Variants in PCED1B observed in about 807,000 individuals in gnomAD.
PCED1B encodes PC-esterase domain-containing protein 1B.
For missense variants in PCED1B, 573 were observed against 573.9 expected (o/e 1.00, Z 0.02); for synonymous variants, 251 against 246.1 (o/e 1.02, Z -0.19).
intron 1 of PCED1B, among the ~76,000 whole-genome samples, chr12:47,094,382 ATTTAGCTTATTTACATT>A (rs922918802): frequency 6.6e-6 from 1 of 152,144 alleles, no homozygotes; most frequent in African/African-American, 2.4e-5. Context: ...TTTACTTCAA[ATTTAGCTTATTTACATT>A]CAGTGTAATC....
At chr12:47,087,119 T>C (rs937211942) in intron 1 of PCED1B, among the ~76,000 whole-genome samples, 5 of 152,190 alleles carry the variant, frequency 3.3e-5, no homozygotes, top group Non-Finnish European at 7.3e-5. Context: ...GGTAATTTGC[T>C]CTGGAACTCT....
intron 2 of PCED1B, among the ~76,000 whole-genome samples, chr12:47,166,568 CT>C (rs1941551810): frequency 6.6e-6 from 1 of 152,178 alleles, no homozygotes; most frequent in South Asian, 2.1e-4. Context: ...TGGCCACCGT[CT>C]TGACAGTAAG....
At chr12:47,093,252 G>A (rs541303979) in intron 1 of PCED1B, among the ~76,000 whole-genome samples, 5 of 151,888 alleles carry the variant, frequency 3.3e-5, no homozygotes, top group Admixed American at 1.3e-4. Context: ...CATCCAAATT[G>A]TCAAATTTAT....
rs1284776622 is a variant in PCED1B at position 47,235,325 on chromosome 12, C to A, written c.262C>A (p.Leu88Met). ...CCGCGAGTTCCGCTCCGACCACCATCTGGTACGTTTTTACTTCCTCACCCG... is the reference window on the plus strand; with the variant it reads ...CCGCGAGTTCCGCTCCGACCACCATATGGTACGTTTTTACTTCCTCACCCG... ...EVREFRSDHH[L>M]VRFYFLTRVY... is the part of the protein sequence containing the mutation. Residue 88 changes from leucine (L) to methionine (M), a missense_variant, in exon 4 of 4, where the codon CTG becomes ATG. By Grantham distance (15) the Leu-to-Met change is conservative. Transcript: ENST00000546455. 1 of 1,614,120 alleles carries A rather than the reference C, an allele frequency of 6.2e-7. No individual in the cohort carries two copies. Among genetic ancestry groups the A allele is most frequent in the South Asian group, 1.1e-5 (1 of 91,090 alleles).
chr12:47,092,495 T>G (rs1481185672), intron 1 of PCED1B, among the ~76,000 whole-genome samples: 1 of 152,050 alleles, frequency 6.6e-6, no homozygotes, highest in Non-Finnish European at 1.5e-5. Flanking sequence ...TGCTTTCCAA[T>G]CTCCATGACA....
chr12:47,154,779 ATGTGTGTGTGTGTGTG>A (rs3989869), intron 2 of PCED1B, among the ~76,000 whole-genome samples: 1 of 146,596 alleles, frequency 6.8e-6, no homozygotes, highest in Non-Finnish European at 1.5e-5. Context: ...GTGTGTGTGC[ATGTGTGTGTGTGTGTG>A]TGTGTGTGTG....
chr12:47,160,748 C>A (rs1422181245), intron 2 of PCED1B, among the ~76,000 whole-genome samples: 1 of 152,016 alleles, frequency 6.6e-6, no homozygotes, highest in African/African-American at 2.4e-5. Flanking sequence ...TATGGTTTTT[C>A]CCCACTAAAA....
chr12:47,230,251 A>AT (rs1425191901), intron 3 of PCED1B, among the ~76,000 whole-genome samples: 2 of 133,568 alleles, frequency 1.5e-5, no homozygotes, highest in Non-Finnish European at 3.2e-5. Context: ...CGCCCTGCTA[A>AT]TTTTTTGTAC....
chr12:47,142,810 G>T (rs2091295), intron 2 of PCED1B, among the ~76,000 whole-genome samples: 86,803 of 151,410 alleles, frequency 0.57, 25,639 homozygotes, highest in Admixed American at 0.64. Flanking sequence ...AATTAAGAAA[G>T]CATAATAAAG....
chr12:47,086,669 A>G (rs901270408), intron 1 of PCED1B, among the ~76,000 whole-genome samples: 1 of 152,206 alleles, frequency 6.6e-6, no homozygotes, highest in African/African-American at 2.4e-5. Flanking sequence ...ATCTCTTGAG[A>G]TTTTGGTCAT....
chr12:47,135,054 C>T (rs567276347), intron 2 of PCED1B, among the ~76,000 whole-genome samples: 6 of 152,044 alleles, frequency 3.9e-5, no homozygotes, highest in African/African-American at 1.4e-4. Context: ...GTATTTGCAC[C>T]GATGGATTTA....
At chr12:47,086,426 A>G (rs1271495712) in intron 1 of PCED1B, among the ~76,000 whole-genome samples, 1 of 151,830 alleles carries the variant, frequency 6.6e-6, no homozygotes, top group African/African-American at 2.4e-5. Context: ...TGCCATTTAC[A>G]ATCTCACTGG....
chr12:47,147,037 G>T (rs2137433370), intron 2 of PCED1B, among the ~76,000 whole-genome samples: 2 of 108,656 alleles, frequency 1.8e-5, no homozygotes, highest in East Asian at 2.7e-4. Context: ...GTCTTGCTCT[G>T]TTGCCCAGGC....
At chr12:47,150,468 C>G (rs1940949203) in intron 2 of PCED1B, among the ~76,000 whole-genome samples, 1 of 151,698 alleles carries the variant, frequency 6.6e-6, no homozygotes, top group Non-Finnish European at 1.5e-5. Context: ...GTCCCAGCTA[C>G]TAGGGAGGCT....
intron 1 of PCED1B, among the ~76,000 whole-genome samples, chr12:47,093,625 T>C (rs1938357316): frequency 6.6e-6 from 1 of 151,996 alleles, no homozygotes; most frequent in African/African-American, 2.4e-5. Flanking sequence ...TTTCACATGA[T>C]TTTTCAAATG....
chr12:47,192,182 T>A (rs1406518165), intron 2 of PCED1B, among the ~76,000 whole-genome samples: 1 of 151,684 alleles, frequency 6.6e-6, no homozygotes, highest in Non-Finnish European at 1.5e-5. Context: ...TGTTTTTTTT[T>A]TTTTGCCTCT....
intron 1 of PCED1B, among the ~76,000 whole-genome samples, chr12:47,103,754 C>A (rs1040554090): frequency 7.2e-5 from 11 of 152,192 alleles, no homozygotes; most frequent in African/African-American, 2.7e-4. Flanking sequence ...AGCCACAGCC[C>A]TGTTACCCTT....
chr12:47,122,998 C>T (rs185173748), intron 2 of PCED1B, among the ~76,000 whole-genome samples: 1 of 152,116 alleles, frequency 6.6e-6, no homozygotes, highest in African/African-American at 2.4e-5. Context: ...GGGAAGCGTA[C>T]CATAGGGTAA....
At chr12:47,159,811 C>T (rs1397101320) in intron 2 of PCED1B, among the ~76,000 whole-genome samples, 1 of 152,090 alleles carries the variant, frequency 6.6e-6, no homozygotes, top group East Asian at 1.9e-4. Context: ...AAATATTTGT[C>T]AAAACCAACG....
Sources: allele counts gnomAD v4.1 joint callset (sites outside exome capture counted in the v4.1 genomes callset), GRCh38; gene constraint gnomAD v4.1.1; transcripts MANE v1.5; gene names NCBI Gene and HGNC (gene_info 2026-07-23, HGNC 2026-07-21).